INPP4A: variants seen among roughly 807,000 people sequenced by gnomAD.
The protein encoded by INPP4A is inositol polyphosphate-4-phosphatase type I A.
In INPP4A, 33 loss-of-function variants were observed where a neutral mutation model predicts 119.8. That is an observed-to-expected ratio of 0.28 (90% CI 0.21 to 0.37). The LOEUF is 0.37. Ranked by LOEUF, INPP4A falls within the 10% of genes least tolerant of loss-of-function variation. The probability of loss-of-function intolerance (pLI) is 1.00; values close to 1 mark genes in which losing one functional copy is unlikely to be tolerated. For synonymous variants in INPP4A, 496 were observed against 500.7 expected, an observed-to-expected ratio of 0.99 and a Z score of 0.12; for missense variants, 956 against 1,289.9, an observed-to-expected ratio of 0.74 and a Z score of 3.97.
intron 4 of INPP4A, among the ~76,000 whole-genome samples, chr2:98,526,374 A>T (rs945894075): frequency 1.3e-5 from 2 of 152,262 alleles, no homozygotes; most frequent in African/African-American, 4.8e-5. Flanking sequence ...TGTATCCAAT[A>T]AATAATGAAG....
chr2:98,529,076 C>CAAAA (rs200658332), intron 4 of INPP4A, among the ~76,000 whole-genome samples: 7 of 94,922 alleles, frequency 7.4e-5, no homozygotes, highest in African/African-American at 2.9e-4. Context: ...GAGACTGTCT[C>CAAAA]AAAAAAAAAA....
rs533167789 is a variant in INPP4A at position 98,572,840 on chromosome 2, G to A, written c.2544G>A (p.Thr848=). ...EDCLPRSRSQ[T]CLPELLRFLG... The stretch of plus-strand genomic sequence containing the variant: ...GCCTGCCTCGGTCTCGCAGTCAGAC[G>A]TGCCTGCCAGAGCTGCTGCGGTTTC... Residue 848 remains threonine, a synonymous_variant, in exon 23 of 25, where the codon ACG becomes ACA. Transcript: ENST00000409851. 22 of 1,568,422 alleles carry A rather than the reference G, an allele frequency of 1.4e-5. No individual in the cohort carries two copies. Among genetic ancestry groups the A allele is most frequent in the South Asian group, 1.3e-4 (11 of 84,822 alleles).
At chr2:98,467,323 T>TG (rs1384878038) in intron 1 of INPP4A, among the ~76,000 whole-genome samples, 1 of 152,218 alleles carries the variant, frequency 6.6e-6, no homozygotes, top group East Asian at 1.9e-4. Context: ...TAAATTTCAG[T>TG]GTGGAGTTTG....
chr2:98,513,465 A>G (rs370782092), intron 1 of INPP4A, among the ~76,000 whole-genome samples: 1 of 152,238 alleles, frequency 6.6e-6, no homozygotes, highest in African/African-American at 2.4e-5. Context: ...TCATTCACTC[A>G]CTCACTCACT....
At chr2:98,516,610 A>G (rs1276088350) in intron 1 of INPP4A, among the ~76,000 whole-genome samples, 1 of 152,172 alleles carries the variant, frequency 6.6e-6, no homozygotes, top group Non-Finnish European at 1.5e-5. Flanking sequence ...CACCTTCACT[A>G]ACAGGCTGAG....
At chr2:98,573,254 A>G (rs1177034594) in intron 23 of INPP4A, among the ~76,000 whole-genome samples, 1 of 152,250 alleles carries the variant, frequency 6.6e-6, no homozygotes. Context: ...TAATAGGGTC[A>G]GAAGGAGGCC....
At chr2:98,446,026 G>T (rs1694121744) in intron 1 of INPP4A, among the ~76,000 whole-genome samples, 1 of 152,208 alleles carries the variant, frequency 6.6e-6, no homozygotes, top group Admixed American at 6.5e-5. Context: ...ATTCTGACTG[G>T]TCCATCTGTT....
chr2:98,583,207 TA>T (rs1258650481), intron 24 of INPP4A, among the ~76,000 whole-genome samples: 1 of 152,228 alleles, frequency 6.6e-6, no homozygotes, highest in Non-Finnish European at 1.5e-5. Flanking sequence ...TTATTTATTT[TA>T]AAACAGTATT....
intron 1 of INPP4A, among the ~76,000 whole-genome samples, chr2:98,479,753 A>G (rs1162618147): frequency 6.6e-6 from 1 of 152,190 alleles, no homozygotes; most frequent in East Asian, 1.9e-4. Flanking sequence ...CCTGTCCTTG[A>G]AGAAAACTGT....
At chr2:98,448,231 T>C (rs1445532870) in intron 1 of INPP4A, among the ~76,000 whole-genome samples, 1 of 150,430 alleles carries the variant, frequency 6.6e-6, no homozygotes, top group Non-Finnish European at 1.5e-5. Flanking sequence ...TGGCGTGTGC[T>C]CGTAGTCCGA....
chr2:98,493,424 C>T (rs999657698), intron 1 of INPP4A, among the ~76,000 whole-genome samples: 1 of 122,536 alleles, frequency 8.2e-6, no homozygotes, highest in Non-Finnish European at 1.8e-5. Context: ...TTTTCTATTT[C>T]TATTTTTTTT....
chr2:98,493,101 G>C (rs76099261), intron 1 of INPP4A, among the ~76,000 whole-genome samples: 2,510 of 152,304 alleles, frequency 0.016, 67 homozygotes, highest in African/African-American at 0.057. Context: ...TGGATTCTGA[G>C]AACAGTCTTC....
At chr2:98,490,388 C>T (rs1250200481) in intron 1 of INPP4A, among the ~76,000 whole-genome samples, 5 of 151,864 alleles carry the variant, frequency 3.3e-5, no homozygotes, top group Non-Finnish European at 4.4e-5. Context: ...AGCCCTTGGC[C>T]CTGGAGAAAG....
chr2:98,505,366 G>A (rs972219890), intron 1 of INPP4A, among the ~76,000 whole-genome samples: 15 of 152,206 alleles, frequency 9.9e-5, no homozygotes, highest in Admixed American at 2.6e-4. Flanking sequence ...GGAGGCTTGC[G>A]TTTCCCATGT....
At chr2:98,466,625 G>A (rs567944272) in intron 1 of INPP4A, among the ~76,000 whole-genome samples, 1 of 152,216 alleles carries the variant, frequency 6.6e-6, no homozygotes, top group Non-Finnish European at 1.5e-5. Flanking sequence ...AGGTTTCAGA[G>A]GTCTTTCTGT....
chr2:98,489,287 G>T (rs1179759675), intron 1 of INPP4A, among the ~76,000 whole-genome samples: 1 of 152,102 alleles, frequency 6.6e-6, no homozygotes, highest in Non-Finnish European at 1.5e-5. Context: ...GGGTGACTGG[G>T]TAACTTGGAA....
At chr2:98,517,446 G>A (rs1031762287) in intron 1 of INPP4A, among the ~76,000 whole-genome samples, 3 of 152,106 alleles carry the variant, frequency 2.0e-5, no homozygotes, top group South Asian at 2.1e-4. Context: ...TTTCCAGCGC[G>A]GGTGACTATT....
At chr2:98,463,025 A>G (rs1673917254) in intron 1 of INPP4A, among the ~76,000 whole-genome samples, 1 of 152,074 alleles carries the variant, frequency 6.6e-6, no homozygotes, top group African/African-American at 2.4e-5. Flanking sequence ...TATTTTTAGT[A>G]GAAACGGGGT....
intron 11 of INPP4A, among the ~76,000 whole-genome samples, chr2:98,544,368 G>A (rs1449095195): frequency 2.6e-5 from 4 of 152,238 alleles, no homozygotes; most frequent in African/African-American, 9.6e-5. Context: ...ACTAATGTCA[G>A]TATAGGATGT....
Sources: allele counts gnomAD v4.1 joint callset (sites outside exome capture counted in the v4.1 genomes callset), GRCh38; gene constraint gnomAD v4.1.1; transcripts MANE v1.5; gene names NCBI Gene and HGNC (gene_info 2026-07-23, HGNC 2026-07-21).